Variants in HDX observed in about 807,000 individuals in gnomAD.
HDX encodes the protein chromosome X open reading frame 43.
In HDX, 19 loss-of-function variants were observed where a neutral mutation model predicts 45.2. That is an observed-to-expected ratio of 0.42 (90% CI 0.29 to 0.62). The LOEUF (loss-of-function observed/expected upper bound fraction) is 0.62, where lower values mean the gene tolerates loss of function less well. Ranked by LOEUF, HDX falls within the 20% of genes least tolerant of loss-of-function variation. The pLI is 0.20. For synonymous variants in HDX, 188 were observed against 172.8 expected (o/e 1.09, Z -0.69); for missense variants, 532 against 493.9 (o/e 1.08, Z -0.73).
intron 5 of HDX, among the ~76,000 whole-genome samples, chrX:84,362,148 A>G (rs1156299288): frequency 9.0e-6 from 1 of 111,568 alleles, no homozygotes; most frequent in Admixed American, 9.5e-5. Flanking sequence ...AAATAAGAGA[A>G]AAGTAAGGAG....
rs888808416 is a variant in HDX at position 84,427,882 on chromosome X, G to C, written c.1305+12650C>G. Among the ~76,000 whole-genome samples the C allele has an allele frequency of 3.6e-5, 4 of 110,999 alleles. No homozygotes were observed. The East Asian group carries it at 1.1e-3, about 32-fold the overall frequency. On this transcript the variant is annotated intron_variant, in intron 5 of 10. Coordinates refer to ENST00000373177, the MANE Select transcript of HDX (RefSeq NM_001177479.2). ...TAACTCTTTTAGAAATTGTCAAACTGTTTTAAAGAGTGTTTTAACATTTCT... is the reference window on the plus strand; with the variant it reads ...TAACTCTTTTAGAAATTGTCAAACTCTTTTAAAGAGTGTTTTAACATTTCT...
intron 5 of HDX, among the ~76,000 whole-genome samples, chrX:84,436,588 G>A (rs967359118): frequency 1.8e-5 from 2 of 111,472 alleles, no homozygotes; most frequent in African/African-American, 6.5e-5. Context: ...TCACCCGTTA[G>A]TCATTCAGGA....
intron 4 of HDX, among the ~76,000 whole-genome samples, chrX:84,462,543 A>G (rs2040262093): frequency 9.0e-6 from 1 of 111,637 alleles, no homozygotes; most frequent in Non-Finnish European, 1.9e-5. Context: ...ATTTTTTACA[A>G]TCAAAGTGCA....
At chrX:84,486,656 G>A (rs1177429608) in intron 2 of HDX, among the ~76,000 whole-genome samples, 1 of 109,353 alleles carries the variant, frequency 9.1e-6, no homozygotes, top group African/African-American at 3.3e-5. Flanking sequence ...TTCATTTAAA[G>A]ATGTTTTTCC....
chrX:84,362,479 G>A (rs1355684185), intron 5 of HDX, among the ~76,000 whole-genome samples: 1 of 110,216 alleles, frequency 9.1e-6, no homozygotes, highest in Non-Finnish European at 1.9e-5. Context: ...TATTTTCAGA[G>A]GTGGTGGAAA....
chrX:84,478,174 A>G (rs1383731748), intron 2 of HDX, among the ~76,000 whole-genome samples: 1 of 112,027 alleles, frequency 8.9e-6, no homozygotes, highest in African/African-American at 3.2e-5. Flanking sequence ...TAGTACAACT[A>G]GGCTCTTAAG....
intron 4 of HDX, among the ~76,000 whole-genome samples, chrX:84,447,535 T>C (rs1052614196): frequency 7.2e-5 from 8 of 111,325 alleles, no homozygotes; most frequent in South Asian, 7.6e-4. Flanking sequence ...CAAAGGAAGC[T>C]GCTTGAAGAT....
At chrX:84,445,041 T>C (rs1021029915) in intron 4 of HDX, among the ~76,000 whole-genome samples, 7 of 112,016 alleles carry the variant, frequency 6.2e-5, no homozygotes, top group African/African-American at 2.3e-4. Context: ...AAAAATTTAT[T>C]CTAATTATTT....
chrX:84,342,365 A>G (rs1163683542), intron 7 of HDX, among the ~76,000 whole-genome samples: 1 of 111,678 alleles, frequency 9.0e-6, no homozygotes, highest in African/African-American at 3.2e-5. Context: ...GAATCAATAT[A>G]CTACAAAGCA....
chrX:84,330,068 A>G (rs2036814060), intron 9 of HDX, among the ~76,000 whole-genome samples: 1 of 111,688 alleles, frequency 9.0e-6, no homozygotes, highest in Non-Finnish European at 1.9e-5. Context: ...TGTTTTCACC[A>G]CAAAATATGG....
At chrX:84,394,002 C>A (rs1429863925) in intron 5 of HDX, among the ~76,000 whole-genome samples, 1 of 110,787 alleles carries the variant, frequency 9.0e-6, no homozygotes, top group Admixed American at 9.6e-5. Flanking sequence ...GTCCCTATTT[C>A]ATTGAATTGT....
At chrX:84,420,412 G>A (rs2039225411) in intron 5 of HDX, among the ~76,000 whole-genome samples, 1 of 110,112 alleles carries the variant, frequency 9.1e-6, no homozygotes, top group Non-Finnish European at 1.9e-5. Flanking sequence ...TGAGTATGAA[G>A]ACAAGCCATT....
chrX:84,404,652 T>A (rs1332577667), intron 5 of HDX, among the ~76,000 whole-genome samples: 2 of 111,308 alleles, frequency 1.8e-5, no homozygotes, highest in Non-Finnish European at 3.8e-5. Flanking sequence ...AGTTAATTGA[T>A]TTCTACGAGT....
At chrX:84,457,145 T>G (rs1441220332) in intron 4 of HDX, among the ~76,000 whole-genome samples, 1 of 111,840 alleles carries the variant, frequency 8.9e-6, no homozygotes, top group Admixed American at 9.5e-5. Flanking sequence ...TCTTTTTTTT[T>G]GGCTATTTTA....
At chrX:84,413,864 G>A (rs2039042477) in intron 5 of HDX, among the ~76,000 whole-genome samples, 1 of 111,196 alleles carries the variant, frequency 9.0e-6, no homozygotes, top group Non-Finnish European at 1.9e-5. Context: ...TCATTTAGGG[G>A]AGTAGATCAC....
intron 5 of HDX, among the ~76,000 whole-genome samples, chrX:84,417,358 T>A (rs956271932): frequency 1.8e-5 from 2 of 111,872 alleles, no homozygotes; most frequent in Non-Finnish European, 3.8e-5. Flanking sequence ...AGTTGTGGTA[T>A]CCCTAGATGA....
intron 6 of HDX, among the ~76,000 whole-genome samples, chrX:84,348,684 G>T (rs1473684225): frequency 9.0e-6 from 1 of 111,497 alleles, no homozygotes; most frequent in Non-Finnish European, 1.9e-5. Flanking sequence ...TGAGATCTCA[G>T]TCTTTTAGTG....
intron 7 of HDX, among the ~76,000 whole-genome samples, chrX:84,343,782 CTA>C (rs2037139033): frequency 9.0e-6 from 1 of 110,973 alleles, no homozygotes; most frequent in African/African-American, 3.3e-5. Context: ...ATAATCCAGA[CTA>C]ATTCTCTTTA....
chrX:84,393,756 T>C (rs1898403866), intron 5 of HDX, among the ~76,000 whole-genome samples: 1 of 110,760 alleles, frequency 9.0e-6, no homozygotes. Context: ...CTAAGTTGTA[T>C]GTGTCCAGGA....
Sources: allele counts gnomAD v4.1 joint callset (sites outside exome capture counted in the v4.1 genomes callset), GRCh38; gene constraint gnomAD v4.1.1; transcripts MANE v1.5; gene names NCBI Gene and HGNC (gene_info 2026-07-23, HGNC 2026-07-21).